TMC1: variants seen among roughly 807,000 people sequenced by gnomAD.
The protein encoded by TMC1 is transmembrane channel like 1, also known as transmembrane channel-like protein 1.
TMC1 carries 84 observed loss-of-function variants against 105.8 expected under a neutral mutation model. The ratio of observed to expected loss-of-function variants is 0.79; its 90% CI spans 0.67 to 0.95. The LOEUF is 0.95. Ranked by LOEUF, TMC1 falls within the 40% of genes least tolerant of loss-of-function variation. TMC1 has a pLI of 0.00. For missense variants in TMC1, 817 were observed against 914.1 expected (o/e 0.89, Z 1.37); for synonymous variants, 315 against 311.5 (o/e 1.01, Z -0.12).
At chr9:72,792,424 T>C in intron 17 of TMC1, 72 bp downstream of exon 17, 7 of 1,590,702 alleles carry the variant, frequency 4.4e-6, no homozygotes, top group South Asian at 2.2e-5. Flanking sequence ...TTCCATAAGA[T>C]TGGCTTTTAA....
At position 72,758,549 on chromosome 9, in the gene TMC1, G is replaced by A. The variant is rs574889642; in HGVS notation, c.741+3665G>A. Reference sequence around the variant, plus strand: ...CCTCCACGGCAGAAGGGAAGAGGCTGCCTGAGCACAGATTGTCTTGAGTAT... The same window carrying A: ...CCTCCACGGCAGAAGGGAAGAGGCTACCTGAGCACAGATTGTCTTGAGTAT... On this transcript the variant is annotated intron_variant, in intron 12 of 23. Transcript: ENST00000297784. 5.3e-5 allele frequency among the ~76,000 whole-genome samples: 8 copies of A among 152,302 alleles called. No individual in the cohort carries two copies. In the East Asian group the frequency reaches 1.2e-3, roughly 22 times the overall value.
chr9:72,772,914 T>C (rs1241779937), intron 13 of TMC1, among the ~76,000 whole-genome samples: 1 of 152,214 alleles, frequency 6.6e-6, no homozygotes, highest in Non-Finnish European at 1.5e-5. Flanking sequence ...GAGAGGTTTG[T>C]AACTTGCAGA....
chr9:72,734,543 C>G (rs1442675052), intron 8 of TMC1, among the ~76,000 whole-genome samples: 3 of 151,804 alleles, frequency 2.0e-5, no homozygotes, highest in African/African-American at 7.3e-5. Context: ...GTTATATTAT[C>G]TAGGAGGCCT....
chr9:72,554,122 C>T (rs969203053), intron 1 of TMC1, among the ~76,000 whole-genome samples: 1 of 151,958 alleles, frequency 6.6e-6, no homozygotes, highest in East Asian at 1.9e-4. Flanking sequence ...GCATTAGTGC[C>T]TTTTTTTTCC....
intron 13 of TMC1, among the ~76,000 whole-genome samples, chr9:72,781,631 T>C (rs527598198): frequency 6.6e-6 from 1 of 152,054 alleles, no homozygotes; most frequent in South Asian, 2.1e-4. Context: ...AAAAGGGACA[T>C]TACCAACAAC....
At chr9:72,636,707 CA>C (rs59553107) in intron 4 of TMC1, among the ~76,000 whole-genome samples, 167 of 83,204 alleles carry the variant, frequency 2.0e-3, no homozygotes, top group Admixed American at 3.7e-3. Context: ...GACTCCATCT[CA>C]AAAAAAAAAA....
At chr9:72,713,513 G>A (rs1209163582) in intron 8 of TMC1, among the ~76,000 whole-genome samples, 1 of 152,092 alleles carries the variant, frequency 6.6e-6, no homozygotes, top group Non-Finnish European at 1.5e-5. Flanking sequence ...GGGTGTATGT[G>A]GCTAGAAACT....
intron 21 of TMC1, among the ~76,000 whole-genome samples, 179 bp from the exon 22 acceptor site, chr9:72,830,272 T>C (rs975090932): frequency 6.6e-6 from 1 of 152,190 alleles, no homozygotes; most frequent in African/African-American, 2.4e-5. Context: ...TCATCCTGAA[T>C]GTATCTCTTT....
At chr9:72,704,050 G>A (rs1196421626) in intron 8 of TMC1, among the ~76,000 whole-genome samples, 2 of 152,118 alleles carry the variant, frequency 1.3e-5, no homozygotes, top group South Asian at 2.1e-4. Flanking sequence ...TTCACAGAAC[G>A]TGCAGGTAAA....
chr9:72,658,878 A>G (rs1825926442), intron 5 of TMC1, among the ~76,000 whole-genome samples: 1 of 152,200 alleles, frequency 6.6e-6, no homozygotes, highest in Admixed American at 6.5e-5. Flanking sequence ...CCCTCAGGGA[A>G]AAAGGGAGTG....
chr9:72,791,990 G>A lies in TMC1; in HGVS notation c.1329G>A (p.Leu443=), dbSNP rs369197132. Residue 443 remains leucine, a synonymous_variant, in exon 16 of 24, where the codon CTG becomes CTA. Transcript: ENST00000297784. ...CTCTCATCGCTTTGAAATGGCTACT[G>A]GGACGCATTTTTGCTCTTCTTTTAG... is the stretch of plus-strand genomic sequence containing the variant. ...YHPLIALKWL[L]GRIFALLLGN... 2.5e-6 allele frequency: 4 copies of A among 1,613,864 alleles called. No homozygotes were observed. The highest frequency in any genetic ancestry group is 3.3e-4 in the Middle Eastern group (2 of 6,072).
At chr9:72,584,905 C>T (rs1306296226) in intron 2 of TMC1, among the ~76,000 whole-genome samples, 1 of 151,092 alleles carries the variant, frequency 6.6e-6, no homozygotes, top group Non-Finnish European at 1.5e-5. Context: ...CTACGTCAGC[C>T]TCCTGAGTAG....
chr9:72,677,221 A>T (rs1431790820), intron 5 of TMC1, among the ~76,000 whole-genome samples: 1 of 151,906 alleles, frequency 6.6e-6, no homozygotes, highest in Non-Finnish European at 1.5e-5. Context: ...AGGCTTGAGA[A>T]CCCGGAGTCC....
At chr9:72,674,885 A>T (rs1826177920) in intron 5 of TMC1, among the ~76,000 whole-genome samples, 3 of 152,196 alleles carry the variant, frequency 2.0e-5, no homozygotes. Context: ...ATAAAAAATA[A>T]GCTAATCTCA....
At chr9:72,720,455 C>T (rs2117943951) in intron 8 of TMC1, among the ~76,000 whole-genome samples, 1 of 152,300 alleles carries the variant, frequency 6.6e-6, no homozygotes, top group Middle Eastern at 3.4e-3. Context: ...ACTTCTGTAT[C>T]CTGTGTTCTG....
chr9:72,556,961 T>C (rs79477571), intron 1 of TMC1, among the ~76,000 whole-genome samples: 18,812 of 152,222 alleles, frequency 0.12, 1,332 homozygotes, highest in Non-Finnish European at 0.17. Context: ...TATTGGCATC[T>C]AATACGTAGA....
chr9:72,832,140 T>C (rs558799323), intron 23 of TMC1, among the ~76,000 whole-genome samples: 1 of 151,996 alleles, frequency 6.6e-6, no homozygotes, highest in Admixed American at 6.6e-5. Flanking sequence ...TTTTTTGAAG[T>C]GAGGTCTTGC....
At chr9:72,563,899 C>CAA (rs71357586) in intron 1 of TMC1, among the ~76,000 whole-genome samples, 24,506 of 51,784 alleles carry the variant, frequency 0.47, 5,282 homozygotes, top group African/African-American at 0.52. Flanking sequence ...AACTCTGGCT[C>CAA]AAAAAAAAAA....
chr9:72,816,154 C>A lies in TMC1; in HGVS notation c.1707C>A (p.Thr569=), dbSNP rs760464772. The A allele has an allele frequency of 1.2e-6, 2 of 1,613,266 alleles. No homozygotes were observed. Among genetic ancestry groups the A allele is most frequent in the Non-Finnish European group, 1.7e-6 (2 of 1,179,476 alleles). The change falls in exon 19 of 24, where the codon ACC becomes ACA. Residue 569 remains threonine, a synonymous_variant. Coordinates refer to ENST00000297784, the MANE Select transcript of TMC1 (RefSeq NM_138691.3). ...TGTGTCTCCTCTAGCCTTCATACAC[C>A]GAATTCGACATCAGTGGCAACGTCC... is the stretch of plus-strand genomic sequence containing the variant. ...WDLEYGYPSY[T]EFDISGNVLA... is the part of the protein sequence containing the mutation.
Sources: allele counts gnomAD v4.1 joint callset (sites outside exome capture counted in the v4.1 genomes callset), GRCh38; gene constraint gnomAD v4.1.1; transcripts MANE v1.5; gene names NCBI Gene and HGNC (gene_info 2026-07-23, HGNC 2026-07-21).